TNFRSF9: variants seen among roughly 807,000 people sequenced by gnomAD.
TNFRSF9 encodes the protein TNF receptor superfamily member 9.
Under a neutral mutation model 28.8 loss-of-function variants are expected in TNFRSF9, and 16 were observed. That is an observed-to-expected ratio of 0.55 (90% confidence interval 0.38 to 0.84). TNFRSF9 has a LOEUF of 0.84. Ranked by LOEUF, TNFRSF9 falls within the 40% of genes least tolerant of loss-of-function variation. TNFRSF9 has a pLI of 0.00. For synonymous variants in TNFRSF9, 131 were observed against 117.0 expected (o/e 1.12, Z -0.77); for missense variants, 303 against 315.0 (o/e 0.96, Z 0.29).
chr1:7,938,389 C>T (rs1639853895), intron 3 of TNFRSF9, 59 bp from the exon 4 acceptor site: 8 of 1,465,142 alleles, frequency 5.5e-6, no homozygotes, highest in African/African-American at 2.9e-5. Flanking sequence ...ATCCAGGAAG[C>T]GAATTTATGC....
chr1:7,921,102 G>C (rs1228599144), intron 7 of TNFRSF9, among the ~76,000 whole-genome samples, 179 bp from the exon 8 acceptor site: 2 of 152,010 alleles, frequency 1.3e-5, no homozygotes, highest in African/African-American at 2.4e-5. Context: ...TTGGAAGGCC[G>C]AGGTGGGCAG....
rs1639880860 is a variant in TNFRSF9 at position 7,940,099 on chromosome 1, C to G, written c.-84-21G>C. On this transcript the variant is annotated intron_variant, in intron 1 of 7. Coordinates refer to ENST00000377507, the MANE Select transcript of TNFRSF9 (RefSeq NM_001561.6). ...TCACTCTGCAAAAGATAAACATTTCCAAGGAAAGGTGGTTTCTCCTTTCAA... is the reference window on the plus strand; with the variant it reads ...TCACTCTGCAAAAGATAAACATTTCGAAGGAAAGGTGGTTTCTCCTTTCAA... 3 of 755,192 alleles carry G rather than the reference C, an allele frequency of 4.0e-6. 1 individual carries two copies. The South Asian group carries it at 6.4e-5, about 16-fold the overall frequency. The allele number at this position is 755,192 out of a possible 1,614,324, so 46.8% of individuals were successfully genotyped here.
intron 7 of TNFRSF9, among the ~76,000 whole-genome samples, chr1:7,930,891 C>T (rs1639723766): frequency 6.6e-6 from 1 of 152,116 alleles, no homozygotes; most frequent in South Asian, 2.1e-4. Flanking sequence ...ATATTTGCAG[C>T]TCATGAACAG....
chr1:7,923,318 G>A lies in TNFRSF9; in HGVS notation c.680-2395C>T, dbSNP rs552912627. ...AGAGAGCCTGGACTTCCACCCTCAC[G>A]GCTGATTAAGGCTCATCTCCCCCTC... On this transcript the variant is annotated intron_variant, in intron 7 of 7. Transcript: ENST00000377507. Among the ~76,000 whole-genome samples, 265 of 152,320 alleles carry A rather than the reference G, an allele frequency of 1.7e-3. 2 individuals are homozygous for A. Among genetic ancestry groups the A allele is most frequent in the African/African-American group, 5.4e-3 (224 of 41,574 alleles).
At chr1:7,930,994 G>A (rs2151416641) in intron 7 of TNFRSF9, among the ~76,000 whole-genome samples, 1 of 152,232 alleles carries the variant, frequency 6.6e-6, no homozygotes, top group Non-Finnish European at 1.5e-5. Flanking sequence ...TCACTAAAGA[G>A]GAAATCCAAA....
chr1:7,928,822 C>A (rs757564445), intron 7 of TNFRSF9, among the ~76,000 whole-genome samples: 1 of 151,994 alleles, frequency 6.6e-6, no homozygotes, highest in Non-Finnish European at 1.5e-5. Flanking sequence ...GAGGTTGCAG[C>A]GAGTGGAGAT....
At chr1:7,924,295 AT>A in intron 7 of TNFRSF9, among the ~76,000 whole-genome samples, 1 of 282 alleles carries the variant, frequency 3.5e-3, no homozygotes, top group Non-Finnish European at 8.1e-3. Context: ...AGTATATTCC[AT>A]ATATATATAT....
At position 7,927,726 on chromosome 1, in the gene TNFRSF9, A is replaced by G. The variant is rs188932326; in HGVS notation, c.679+5436T>C. ...GAAAACTGTAAAAGTTATAAGAGAT[A>G]GAGGAAAAAAAAAAACCCTAAATCT... On this transcript the variant is annotated intron_variant, in intron 7 of 7. Transcript: ENST00000377507. Among the ~76,000 whole-genome samples the G allele has an allele frequency of 2.1e-4, 32 of 149,226 alleles. No homozygotes were observed. The East Asian group carries it at 6.2e-3, about 29-fold the overall frequency.
chr1:7,937,773 A>C lies in TNFRSF9; in HGVS notation c.347-17T>G, dbSNP rs768440527. Reference sequence around the variant, plus strand: ...CTTTACAACCTTGTATTAAAAATGAAAGCAATAATAAAAGGGAAGCATTTT... The same window carrying C: ...CTTTACAACCTTGTATTAAAAATGACAGCAATAATAAAAGGGAAGCATTTT... On this transcript the variant is annotated splice_polypyrimidine_tract_variant and intron_variant, in intron 4 of 7. Transcript: ENST00000377507. 1 of 1,602,468 alleles carries C rather than the reference A, an allele frequency of 6.2e-7. No individual in the cohort carries two copies. Among genetic ancestry groups the C allele is most frequent in the Non-Finnish European group, 8.5e-7 (1 of 1,171,142 alleles).
Position 7,916,440 on chromosome 1 carries a change from G to A in TNFRSF9, c.*4395C>T, listed in dbSNP as rs1639478730. ...GGCTATGATAAAAATATCACAGTCT[G>A]TATCATAAACATAGCCTCCTTTCTT... On this transcript the variant is annotated 3_prime_UTR_variant, in exon 8 of 8. Coordinates refer to ENST00000377507, the MANE Select transcript of TNFRSF9 (RefSeq NM_001561.6). The A allele has an allele frequency of 6.6e-6, 1 of 152,190 alleles. No individual in the cohort carries two copies. The highest frequency in any genetic ancestry group is 1.5e-5 in the Non-Finnish European group (1 of 68,040). 9.4% of individuals were successfully genotyped at this position (152,190 alleles called of 1,614,324 possible). A position where few individuals can be genotyped will look rare whatever the true frequency, so the allele number is the denominator to read the frequency against.
At chr1:7,933,729 C>T (rs1639770843) in intron 6 of TNFRSF9, among the ~76,000 whole-genome samples, 1 of 151,660 alleles carries the variant, frequency 6.6e-6, no homozygotes, top group South Asian at 2.1e-4. Context: ...AAAAGAGAAA[C>T]TTAATGGCAG....
chr1:7,938,385 G>A (rs935827184), intron 3 of TNFRSF9, 55 bp from the exon 4 acceptor site: 2 of 1,484,482 alleles, frequency 1.3e-6, no homozygotes, highest in Admixed American at 2.3e-5. Flanking sequence ...CCAAATCCAG[G>A]AAGCGAATTT....
intron 7 of TNFRSF9, among the ~76,000 whole-genome samples, chr1:7,922,499 C>T (rs1208744245): frequency 3.3e-5 from 5 of 152,050 alleles, no homozygotes; most frequent in Non-Finnish European, 7.4e-5. Context: ...ATGCCAATAG[C>T]GTGGACAAAA....
intron 4 of TNFRSF9, 55 bp from the exon 5 acceptor site, chr1:7,937,811 A>C: frequency 1.3e-6 from 2 of 1,495,412 alleles, no homozygotes; most frequent in Non-Finnish European, 1.9e-6. Context: ...TCATTTTGTA[A>C]CTTTTCCTGT....
chr1:7,932,691 G>GCACA (rs370622652), intron 7 of TNFRSF9, among the ~76,000 whole-genome samples: 1 of 147,822 alleles, frequency 6.8e-6, no homozygotes, highest in African/African-American at 2.5e-5. Flanking sequence ...GCACGCACGC[G>GCACA]CACACACACA....
At chr1:7,929,142 CT>C (rs149695340) in intron 7 of TNFRSF9, among the ~76,000 whole-genome samples, 4 of 131,534 alleles carry the variant, frequency 3.0e-5, no homozygotes, top group African/African-American at 8.3e-5. Flanking sequence ...CTCAGTTTTT[CT>C]TTTTTTTCTT....
chr1:7,928,209 A>G (rs1401925952), intron 7 of TNFRSF9, among the ~76,000 whole-genome samples: 1 of 152,238 alleles, frequency 6.6e-6, no homozygotes, highest in Non-Finnish European at 1.5e-5. Flanking sequence ...AAAATGATAC[A>G]CTTCCTCTGG....
At chr1:7,928,255 C>T (rs1639682532) in intron 7 of TNFRSF9, among the ~76,000 whole-genome samples, 1 of 152,226 alleles carries the variant, frequency 6.6e-6, no homozygotes, top group Non-Finnish European at 1.5e-5. Flanking sequence ...ACTAAACAAG[C>T]ACCAAACATA....
rs1475856415 is a variant in TNFRSF9 at position 7,938,312 on chromosome 1, T to C, written c.227A>G (p.Lys76Arg). 2 of 1,605,888 alleles carry C rather than the reference T, an allele frequency of 1.2e-6. No individual in the cohort carries two copies. The highest frequency in any genetic ancestry group is 1.7e-4 in the Middle Eastern group (1 of 6,044). Residue 76 changes from lysine (K) to arginine (R), a missense_variant, in exon 4 of 8, where the codon AAG becomes AGG. Physicochemically the swap from Lys to Arg is conservative, Grantham distance 26 (BLOSUM62 2). Transcript: ENST00000377507. ...RQCKGVFRTR[K>R]ECSSTSNAEC... ...TGCATTGCTGGTGGAGGAACACTCC[T>C]TCCTGGTCCTGAAAACACCTACAAA...
Sources: gnomAD v4.1 joint callset for allele counts (sites outside exome capture counted in the v4.1 genomes callset) on GRCh38, gnomAD v4.1.1 for gene constraint, MANE v1.5 for transcripts, NCBI Gene and HGNC (gene_info 2026-07-23, HGNC 2026-07-21) for gene names.